Variants in PRUNE2 observed in about 807,000 individuals in gnomAD.
The protein encoded by PRUNE2 is prune homolog 2 with BCH domain.
In PRUNE2, 164 loss-of-function variants were observed where a neutral mutation model predicts 252.0. The observed-to-expected ratio is 0.65, with a 90% confidence interval of 0.57 to 0.74. The LOEUF (loss-of-function observed/expected upper bound fraction) is 0.74. PRUNE2 is among the 30% of genes least tolerant of loss of function. The pLI is 0.00. For synonymous variants in PRUNE2, 1,292 were observed against 1,350.2 expected, an observed-to-expected ratio of 0.96 and a Z score of 0.94; for missense variants, 3,495 against 3,711.0, an observed-to-expected ratio of 0.94 and a Z score of 1.51.
Position 76,703,565 on chromosome 9 carries a change from A to G in PRUNE2, c.8048T>C (p.Leu2683Pro). The change falls in exon 9 of 19, where the codon CTA becomes CCA. Residue 2683 changes from leucine to proline, a missense_variant. Physicochemically the swap from Leu to Pro is moderately conservative, Grantham distance 98. Transcript: ENST00000376718. ...GGCTTCCTCTAGTGCCAAAGATTCT[A>G]GAGGCTTCATTTCTTCCAGAATCTG... ...QLQILEEMKP[L>P]ESLALEEASG... is the part of the protein sequence containing the mutation. 6.2e-7 allele frequency: 1 copy of G among 1,613,752 alleles called. No homozygotes were observed. The highest frequency in any genetic ancestry group is 8.5e-7 in the Non-Finnish European group (1 of 1,179,858).
chr9:76,876,323 T>C (rs1303495654), intron 1 of PRUNE2, among the ~76,000 whole-genome samples: 1 of 152,174 alleles, frequency 6.6e-6, no homozygotes, highest in African/African-American at 2.4e-5. Flanking sequence ...CCTGTTTTTC[T>C]GCAAGGAAAA....
At chr9:76,785,619 G>A (rs1026370582) in intron 6 of PRUNE2, 4 of 152,120 alleles carry the variant, frequency 2.6e-5, no homozygotes, top group South Asian at 2.1e-4. Flanking sequence ...TTTGAGATGT[G>A]TTTGTCCTTG....
intron 9 of PRUNE2, among the ~76,000 whole-genome samples, chr9:76,668,754 C>T (rs1288358046): frequency 2.0e-5 from 3 of 151,798 alleles, no homozygotes; most frequent in Admixed American, 6.6e-5. Context: ...TTCCTTTTGT[C>T]CTCAGCTCCT....
intron 9 of PRUNE2, among the ~76,000 whole-genome samples, chr9:76,666,085 G>C (rs920797649): frequency 2.6e-5 from 4 of 152,194 alleles, no homozygotes; most frequent in Admixed American, 2.0e-4. Context: ...GGGACATAGT[G>C]AGAAGTGACC....
intron 6 of PRUNE2, among the ~76,000 whole-genome samples, chr9:76,812,251 A>T (rs537030848): frequency 4.3e-4 from 66 of 152,340 alleles, no homozygotes; most frequent in African/African-American, 1.6e-3. Flanking sequence ...CAACAAAGGG[A>T]GGCTATGGTG....
In PRUNE2 at chr9:76,709,455, G is replaced by A; in HGVS notation, c.2819C>T (p.Ser940Phe). ...ATCAGAACATTTGTAAGATAAGAAG[G>A]AATCTTCCCAAGGAACTAGGACATC... ...GSDVLVPWED[S>F]FLSYKCSDYS... Residue 940 changes from serine to phenylalanine, a missense_variant, in exon 8 of 19, where the codon TCC becomes TTC. By Grantham distance (155) the Ser-to-Phe change is radical. Coordinates refer to ENST00000376718, the MANE Select transcript of PRUNE2 (RefSeq NM_015225.3). 1 of 1,613,940 alleles carries A rather than the reference G, an allele frequency of 6.2e-7. No homozygotes were observed. Among genetic ancestry groups the A allele is most frequent in the South Asian group, 1.1e-5 (1 of 91,078 alleles).
chr9:76,889,861 G>T (rs2133463789), intron 1 of PRUNE2, among the ~76,000 whole-genome samples: 1 of 152,250 alleles, frequency 6.6e-6, no homozygotes, highest in African/African-American at 2.4e-5. Flanking sequence ...AGATTTGTGG[G>T]CTCTGGGGGA....
intron 6 of PRUNE2, among the ~76,000 whole-genome samples, chr9:76,790,574 G>A (rs578204204): frequency 9.9e-5 from 15 of 152,176 alleles, no homozygotes; most frequent in Non-Finnish European, 2.9e-5. Flanking sequence ...CTGACTCCCA[G>A]GAAAGCTGCA....
chr9:76,859,301 C>G (rs1173028927), intron 1 of PRUNE2, among the ~76,000 whole-genome samples: 4 of 152,100 alleles, frequency 2.6e-5, no homozygotes, highest in African/African-American at 9.7e-5. Flanking sequence ...CTTCTTATCT[C>G]TTTTTAAAAG....
intron 1 of PRUNE2, among the ~76,000 whole-genome samples, chr9:76,865,806 T>TACACACACACACACACAC (rs34661457): frequency 7.9e-6 from 1 of 127,152 alleles, no homozygotes; most frequent in African/African-American, 3.1e-5. Context: ...TCTCTCTCCC[T>TACACACACACACACACAC]ACACACACAC....
intron 16 of PRUNE2, among the ~76,000 whole-genome samples, chr9:76,626,481 T>C (rs547435284): frequency 6.6e-6 from 1 of 152,270 alleles, no homozygotes; most frequent in Non-Finnish European, 1.5e-5. Flanking sequence ...CCCAAGGAGA[T>C]GAATTACAGA....
At chr9:76,830,270 A>G (rs113138522) in intron 4 of PRUNE2, among the ~76,000 whole-genome samples, 13 of 152,348 alleles carry the variant, frequency 8.5e-5, no homozygotes, top group African/African-American at 1.2e-4. Context: ...CTTGGAAAGG[A>G]GAGAATGGAG....
chr9:76,697,187 G>A (rs769707579), intron 9 of PRUNE2, among the ~76,000 whole-genome samples: 9 of 152,058 alleles, frequency 5.9e-5, no homozygotes, highest in Non-Finnish European at 1.2e-4. Context: ...CAAGTTTCCA[G>A]CCAGAGAAGC....
rs112510519 is a variant in PRUNE2 at position 76,743,358 on chromosome 9, G to A, written c.757-29637C>T. Among the ~76,000 whole-genome samples, 262 of 152,302 alleles carry A rather than the reference G, an allele frequency of 1.7e-3. 1 individual carries two copies. Among genetic ancestry groups the A allele is most frequent in the African/African-American group, 5.5e-3 (229 of 41,570 alleles). On this transcript the variant is annotated intron_variant, in intron 6 of 18. Transcript: ENST00000376718. Reference sequence around the variant, plus strand: ...AGGATCAACAATTCTATAGTTTTGAGAAGCTAGTCCATGAAATAAAGAGAA... The same window carrying A: ...AGGATCAACAATTCTATAGTTTTGAAAAGCTAGTCCATGAAATAAAGAGAA...
At chr9:76,615,251 C>A in intron 18 of PRUNE2, 3 of 985,212 alleles carry the variant, frequency 3.0e-6, no homozygotes, top group Non-Finnish European at 3.6e-6. Context: ...CCGCATCCAC[C>A]CAAGAGGAAG....
chr9:76,670,775 C>T (rs999184079), intron 9 of PRUNE2, among the ~76,000 whole-genome samples: 10 of 151,666 alleles, frequency 6.6e-5, no homozygotes, highest in South Asian at 2.1e-4. Context: ...CTGGGAGGCA[C>T]CCCCCAGCAG....
intron 9 of PRUNE2, among the ~76,000 whole-genome samples, chr9:76,701,328 G>A (rs948347775): frequency 3.9e-5 from 6 of 152,196 alleles, no homozygotes; most frequent in Non-Finnish European, 7.3e-5. Context: ...TACACATGCC[G>A]GAGGGAAAAT....
At chr9:76,887,500 G>A (rs746868111) in intron 1 of PRUNE2, among the ~76,000 whole-genome samples, 5 of 152,088 alleles carry the variant, frequency 3.3e-5, no homozygotes, top group African/African-American at 9.7e-5. Context: ...ACAATAATCC[G>A]TCCCTGCACG....
chr9:76,890,600 C>T (rs1297342649), intron 1 of PRUNE2, among the ~76,000 whole-genome samples: 1 of 152,190 alleles, frequency 6.6e-6, no homozygotes, highest in Non-Finnish European at 1.5e-5. Context: ...ATGCAGATCA[C>T]ATCAGTCTCT....
Sources: gnomAD v4.1 joint callset for allele counts (sites outside exome capture counted in the v4.1 genomes callset) on GRCh38, gnomAD v4.1.1 for gene constraint, MANE v1.5 for transcripts, NCBI Gene and HGNC (gene_info 2026-07-23, HGNC 2026-07-21) for gene names.